Variants in ANKH observed in about 807,000 individuals in gnomAD.
ANKH encodes the protein mineralization regulator ANKH.
A neutral mutation model predicts 49.0 loss-of-function variants in ANKH; 15 were observed. That is an observed-to-expected ratio of 0.31 (90% CI 0.20 to 0.47). ANKH has a LOEUF of 0.47. Among genes scored for constraint, ANKH ranks in the 20% least tolerant of loss-of-function variants. The pLI, the probability that ANKH is intolerant of heterozygous loss-of-function variation, is 1.00. For synonymous variants in ANKH, 273 were observed against 260.0 expected, an observed-to-expected ratio of 1.05 and a Z score of -0.48; for missense variants, 429 against 652.0, an observed-to-expected ratio of 0.66 and a Z score of 3.72.
intron 1 of ANKH, among the ~76,000 whole-genome samples, chr5:14,799,893 G>A (rs1282488619): frequency 6.6e-6 from 1 of 152,098 alleles, no homozygotes; most frequent in Non-Finnish European, 1.5e-5. Context: ...CATTTCATAA[G>A]GCTATAGCTG....
At chr5:14,738,156 T>C (rs905924369) in intron 8 of ANKH, among the ~76,000 whole-genome samples, 2 of 152,332 alleles carry the variant, frequency 1.3e-5, no homozygotes, top group South Asian at 2.1e-4. Context: ...GTAGGACAGA[T>C]ACTCTAAATT....
intron 1 of ANKH, among the ~76,000 whole-genome samples, chr5:14,809,335 TAAAAAA>T (rs36119317): frequency 7.2e-4 from 58 of 80,826 alleles, no homozygotes; most frequent in African/African-American, 2.7e-3. Context: ...TAGAGTATAA[TAAAAAA>T]AAAAAAAAAA....
chr5:14,853,161 C>A (rs1210557815), intron 1 of ANKH, among the ~76,000 whole-genome samples: 2 of 152,204 alleles, frequency 1.3e-5, no homozygotes, highest in East Asian at 3.8e-4. Context: ...TCTTAAGGTG[C>A]AATTAATCAA....
In ANKH at chr5:14,764,273, G is replaced by A. The variant is rs200738853; in HGVS notation, c.313+4702C>T. 7.2e-5 allele frequency among the ~76,000 whole-genome samples: 11 copies of A among 152,220 alleles called. No individual in the cohort carries two copies. In the South Asian group the frequency reaches 8.3e-4, roughly 11 times the overall value. On this transcript the variant is annotated intron_variant, in intron 2 of 11. Transcript: ENST00000284268. ...TGATTTGTTTTGGTCAGTAGTGTGCGGTGGGAGTGATGGTGGGCCCGTTCT... is the reference window on the plus strand; with the variant it reads ...TGATTTGTTTTGGTCAGTAGTGTGCAGTGGGAGTGATGGTGGGCCCGTTCT...
Position 14,711,025 on chromosome 5 carries a change from G to T in ANKH, c.*172C>A. 1 of 679,306 alleles carries T rather than the reference G, an allele frequency of 1.5e-6. No individual in the cohort carries two copies. The highest frequency in any genetic ancestry group is 2.7e-6 in the Non-Finnish European group (1 of 373,478). The allele number at this position is 679,306 out of a possible 1,614,324, so 42.1% of individuals were successfully genotyped here. On this transcript the variant is annotated 3_prime_UTR_variant, in exon 12 of 12. Coordinates refer to ENST00000284268, the MANE Select transcript of ANKH (RefSeq NM_054027.6). Reference sequence around the variant, plus strand: ...CCATTCACTAGGTCCCCCCGTCAGTGTGAGCATACCCAGTATGCTAGAGAA... The same window carrying T: ...CCATTCACTAGGTCCCCCCGTCAGTTTGAGCATACCCAGTATGCTAGAGAA...
chr5:14,864,438 A>T (rs1735586391), intron 1 of ANKH, among the ~76,000 whole-genome samples: 1 of 152,186 alleles, frequency 6.6e-6, no homozygotes, highest in Admixed American at 6.5e-5. Context: ...TACCTAAGTC[A>T]TCCTAAGAGA....
chr5:14,848,254 T>C (rs1283772532), intron 1 of ANKH, among the ~76,000 whole-genome samples: 1 of 152,092 alleles, frequency 6.6e-6, no homozygotes, highest in East Asian at 1.9e-4. Flanking sequence ...ACCCAACCAA[T>C]CAGGTAGTGA....
intron 1 of ANKH, among the ~76,000 whole-genome samples, chr5:14,803,186 A>C (rs1317895372): frequency 1.3e-5 from 2 of 152,236 alleles, no homozygotes; most frequent in Non-Finnish European, 2.9e-5. Flanking sequence ...GAAAAGTTTG[A>C]AAGCCCCTCC....
chr5:14,724,646 G>C (rs1737769382), intron 8 of ANKH: 1 of 914,976 alleles, frequency 1.1e-6, no homozygotes, highest in South Asian at 5.0e-5. Flanking sequence ...CTCACTTGCA[G>C]AGTGGGCCAT....
chr5:14,800,262 C>T (rs948308168), intron 1 of ANKH, among the ~76,000 whole-genome samples: 3 of 152,188 alleles, frequency 2.0e-5, no homozygotes, highest in Non-Finnish European at 4.4e-5. Flanking sequence ...AAATCTATAC[C>T]TGGTGAAGAT....
At chr5:14,867,599 C>CCGGACTG (rs1735685116) in intron 1 of ANKH, among the ~76,000 whole-genome samples, 2 of 151,834 alleles carry the variant, frequency 1.3e-5, no homozygotes, top group African/African-American at 2.4e-5. Flanking sequence ...GTCGCCCAGG[C>CCGGACTG]CGGACTGCGG....
rs1739395743 is a variant in ANKH at position 14,770,391 on chromosome 5, A to T, written c.97-1200T>A. On this transcript the variant is annotated intron_variant, in intron 1 of 11. Transcript: ENST00000284268. The surrounding 1 kb of genome is among the most constrained non-coding windows in gnomAD (Gnocchi z 4.1). ...CTAAGACCCCCAGTGAATGCCTGAA[A>T]CCATGGAAAGTACCTATGTTTTTTC... is the stretch of plus-strand genomic sequence containing the variant. Among the ~76,000 whole-genome samples the T allele has an allele frequency of 6.6e-6, 1 of 152,146 alleles. No homozygotes were observed. The highest frequency in any genetic ancestry group is 1.5e-5 in the Non-Finnish European group (1 of 68,044).
In ANKH at chr5:14,710,497, C is replaced by CTA. The variant is rs1039823255; in HGVS notation, c.*698_*699dup. On this transcript the variant is annotated 3_prime_UTR_variant, in exon 12 of 12. Transcript: ENST00000284268. ...ATCTAGGAGAACGCAGAGTGAAATG[C>CTA]TATCATTCAACCATGTCAGTTTGCT... 3.9e-5 allele frequency: 6 copies of CTA among 153,736 alleles called. No individual in the cohort carries two copies. Among genetic ancestry groups the CTA allele is most frequent in the Admixed American group, 1.3e-4 (2 of 15,558 alleles). 9.5% of individuals were successfully genotyped at this position (153,736 alleles called of 1,614,324 possible).
At chr5:14,752,877 A>G (rs925168950) in intron 4 of ANKH, among the ~76,000 whole-genome samples, 4 of 152,196 alleles carry the variant, frequency 2.6e-5, no homozygotes, top group African/African-American at 9.6e-5. Context: ...AGTGAAAAAG[A>G]CAGTGAGTAG....
At chr5:14,865,837 T>C (rs1345783580) in intron 1 of ANKH, among the ~76,000 whole-genome samples, 5 of 152,216 alleles carry the variant, frequency 3.3e-5, no homozygotes, top group African/African-American at 9.7e-5. Context: ...AACCCTCTTA[T>C]ACTGTGGAAG....
In ANKH at chr5:14,711,088, CCAAAACAAAACAAAAAAAA is replaced by C; in HGVS notation, c.*90_*108del. 1 of 1,026,988 alleles carries C rather than the reference CCAAAACAAAACAAAAAAAA, an allele frequency of 9.7e-7. No homozygotes were observed. The highest frequency in any genetic ancestry group is 1.3e-5 in the South Asian group (1 of 79,442). 63.6% of individuals were successfully genotyped at this position (1,026,988 alleles called of 1,614,324 possible). A position where few individuals can be genotyped will look rare whatever the true frequency, so the allele number is the denominator to read the frequency against. Reference sequence around the variant, plus strand: ...CTTTAAATCAAGGCCTCTTTCATTACCAAAACAAAACAAAAAAAAGGGAACAAAATACGATGGGAGAGGG... The same window carrying C: ...CTTTAAATCAAGGCCTCTTTCATTACGGGAACAAAATACGATGGGAGAGGG... On this transcript the variant is annotated 3_prime_UTR_variant, in exon 12 of 12. Transcript: ENST00000284268.
At chr5:14,842,964 G>A (rs1741855300) in intron 1 of ANKH, among the ~76,000 whole-genome samples, 1 of 152,190 alleles carries the variant, frequency 6.6e-6, no homozygotes, top group African/African-American at 2.4e-5. Flanking sequence ...AGCATGCTGT[G>A]TTCCCACTGT....
intron 1 of ANKH, among the ~76,000 whole-genome samples, chr5:14,826,631 C>T (rs1020307011): frequency 2.0e-5 from 3 of 152,204 alleles, no homozygotes; most frequent in Admixed American, 1.3e-4. Flanking sequence ...ATGCTCCCTA[C>T]ATGTTAGCTT....
At chr5:14,871,292 G>A (rs1735813230) in intron 1 of ANKH, 60 bp downstream of exon 1, 1 of 1,463,008 alleles carries the variant, frequency 6.8e-7, no homozygotes, top group Middle Eastern at 1.7e-4. Flanking sequence ...CCGCCCCCGT[G>A]TCCGGGCGTG....
Sources: gnomAD v4.1 joint callset for allele counts (sites outside exome capture counted in the v4.1 genomes callset) on GRCh38, gnomAD v4.1.1 for gene constraint, Gnocchi (gnomAD v3.1) non-coding constraint, MANE v1.5 for transcripts, NCBI Gene and HGNC (gene_info 2026-07-23, HGNC 2026-07-21) for gene names.